Variants in C1QTNF12 observed in about 807,000 individuals in gnomAD.
C1QTNF12 encodes adipolin.
C1QTNF12 carries 39 observed loss-of-function variants against 34.3 expected under a neutral mutation model. The ratio of observed to expected loss-of-function variants is 1.14; its 90% confidence interval spans 0.88 to 1.49. The LOEUF (loss-of-function observed/expected upper bound fraction) is 1.49. Among genes scored for constraint, C1QTNF12 ranks in the 40% most tolerant of loss-of-function variants. The pLI is 0.00. For synonymous variants in C1QTNF12, 220 were observed against 196.9 expected (o/e 1.12, Z -0.98); for missense variants, 497 against 424.7 (o/e 1.17, Z -1.50).
intron 4 of C1QTNF12, 120 bp downstream of exon 4, chr1:1,243,834 A>G: frequency 5.4e-6 from 6 of 1,120,856 alleles, no homozygotes; most frequent in Admixed American, 2.4e-5. Context: ...TCGCCCTCCG[A>G]GCCCCGCCCC....
At position 1,243,484 on chromosome 1, in the gene C1QTNF12, G is replaced by C. The variant is rs537073217; in HGVS notation, c.600C>G (p.Pro200=). ...LSLASGRFTA[P]VSGIFQFSAS... is the part of the protein sequence containing the mutation. ...CAGAGAACTGGAAGATGCCGGACAC[G>C]GGGGCCGTGAACCGACCCGAGGCCA... Residue 200 remains proline, a synonymous_variant, in exon 5 of 8, where the codon CCC becomes CCG. Coordinates refer to ENST00000330388, the MANE Select transcript of C1QTNF12 (RefSeq NM_001014980.3). 11 of 1,560,148 alleles carry C rather than the reference G, an allele frequency of 7.1e-6. No homozygotes were observed. The South Asian group carries it at 1.3e-4, about 18-fold the overall frequency.
upstream of C1QTNF12, among the ~76,000 whole-genome samples, chr1:1,247,068 C>G (rs1638913237): frequency 6.6e-6 from 1 of 152,160 alleles, no homozygotes. Context: ...CCACTGACCC[C>G]GGCCGCTGCT....
chr1:1,247,044 C>G (rs763094129), upstream of C1QTNF12, among the ~76,000 whole-genome samples: 1 of 152,020 alleles, frequency 6.6e-6, no homozygotes, highest in East Asian at 1.9e-4. Flanking sequence ...GGGACGGAGA[C>G]GGGGCGGAGA....
At chr1:1,246,867 C>CA, upstream of C1QTNF12, 1 of 348,430 alleles carries the variant, frequency 2.9e-6, no homozygotes, top group Non-Finnish European at 4.8e-6. This position sits in a 1 kb window ranked among gnomAD's most constrained non-coding sequence, Gnocchi z 4.5. Context: ...TCAGGTCCCC[C>CA]CGGGGTCCCG....
intron 1 of C1QTNF12, among the ~76,000 whole-genome samples, chr1:1,245,747 C>G (rs945584958): frequency 2.0e-5 from 3 of 152,324 alleles, no homozygotes; most frequent in Non-Finnish European, 1.5e-5. Flanking sequence ...CCAGCGGGGC[C>G]GCGTGGGCTG....
chr1:1,244,600 G>A lies in C1QTNF12; in HGVS notation c.178-103C>T, dbSNP rs574839104. 35 of 928,192 alleles carry A rather than the reference G, an allele frequency of 3.8e-5. No homozygotes were observed. In the East Asian group the frequency reaches 5.1e-4, roughly 14 times the overall value. The allele number at this position is 928,192 out of a possible 1,614,324, so 57.5% of individuals were successfully genotyped here. On this transcript the variant is annotated intron_variant, in intron 1 of 7. Coordinates refer to ENST00000330388, the MANE Select transcript of C1QTNF12 (RefSeq NM_001014980.3). ...TCAGGGCAGAACCAGGGAAGGCATC[G>A]CCGGCCAGGAGAAGGACCCACGGCC...
chr1:1,244,298 G>A, intron 2 of C1QTNF12, 23 bp from the exon 3 acceptor site: 1 of 1,591,346 alleles, frequency 6.3e-7, no homozygotes, highest in Middle Eastern at 1.7e-4. Context: ...AGAAGCAGGT[G>A]AGGGGCCCAG....
intron 1 of C1QTNF12, among the ~76,000 whole-genome samples, chr1:1,245,538 G>C (rs1467748594): frequency 2.0e-5 from 3 of 151,694 alleles, no homozygotes; most frequent in Non-Finnish European, 2.9e-5. Flanking sequence ...GTCTCTGGAG[G>C]AGTGGCCCTG....
At position 1,244,042 on chromosome 1, in the gene C1QTNF12, C is replaced by A; in HGVS notation, c.443G>T (p.Arg148Leu). Residue 148 changes from arginine to leucine, a missense_variant, in exon 4 of 8, where the codon CGG becomes CTG. Coordinates refer to ENST00000330388, the MANE Select transcript of C1QTNF12 (RefSeq NM_001014980.3). ...DPLLPQGAGLRLVGEAFHCRL... is the reference protein window; with the variant it reads ...DPLLPQGAGLLLVGEAFHCRL... ...GCAGTGAAAGGCCTCGCCCACCAGCCGCAGGCCCGCCCCCTGGGGCAGCAG... is the reference window on the plus strand; with the variant it reads ...GCAGTGAAAGGCCTCGCCCACCAGCAGCAGGCCCGCCCCCTGGGGCAGCAG... The A allele has an allele frequency of 1.9e-6, 3 of 1,598,732 alleles. No individual in the cohort carries two copies. Among genetic ancestry groups the A allele is most frequent in the Non-Finnish European group, 2.6e-6 (3 of 1,173,536 alleles).
chr1:1,242,534 C>A lies in C1QTNF12; in HGVS notation c.*14G>T. 1 of 1,548,556 alleles carries A rather than the reference C, an allele frequency of 6.5e-7. No individual in the cohort carries two copies. The highest frequency in any genetic ancestry group is 8.7e-7 in the Non-Finnish European group (1 of 1,145,516). ...GATCCGGCGGCAGCTCCTCGCCAGC[C>A]CCCCTGGGCGCCCTCACGTGCCCAG... On this transcript the variant is annotated 3_prime_UTR_variant, in exon 8 of 8. Transcript: ENST00000330388.
chr1:1,244,006 C>T lies in C1QTNF12; in HGVS notation c.479G>A (p.Gly160Asp). The change falls in exon 4 of 8, where the codon GGT becomes GAT. Residue 160 changes from glycine (G) to aspartate (D), a missense_variant. Coordinates refer to ENST00000330388, the MANE Select transcript of C1QTNF12 (RefSeq NM_001014980.3). ...CGTCCGCTTGTCCACCCGGCGGGGA[C>T]CCTGCAGCCGGCAGTGAAAGGCCTC... ...VGEAFHCRLQ[G>D]PRRVDKRTLV... The T allele has an allele frequency of 6.2e-7, 1 of 1,603,804 alleles. No individual in the cohort carries two copies. Among genetic ancestry groups the T allele is most frequent in the Non-Finnish European group, 8.5e-7 (1 of 1,176,340 alleles).
chr1:1,243,255 G>A, intron 5 of C1QTNF12, 103 bp from the exon 6 acceptor site: 1 of 1,065,234 alleles, frequency 9.4e-7, no homozygotes, highest in Non-Finnish European at 1.3e-6. Context: ...AGGAGTGGCT[G>A]CTGGGGCTGG....
rs1638895515 is a variant in C1QTNF12, at chr1:1,246,533, C to T, written c.158G>A (p.Gly53Glu). ...GCGTACCTTGGGGGCCTCGGGCAGC[C>T]CCTCGCGGGAGGACGCGCTGGCGGT... ...NATASASSRE[G>E]LPEAPKPSQA... Residue 53 changes from glycine to glutamate, a missense_variant, in exon 1 of 8, where the codon GGG (glycine) becomes GAG (glutamate). By Grantham distance (98) the Gly-to-Glu change is moderately conservative (BLOSUM62 -2). Transcript: ENST00000330388. This position sits in a 1 kb window ranked among gnomAD's most constrained non-coding sequence, Gnocchi z 4.5. 1 of 1,235,238 alleles carries T rather than the reference C, an allele frequency of 8.1e-7. No individual in the cohort carries two copies. The highest frequency in any genetic ancestry group is 3.1e-4 in the Middle Eastern group (1 of 3,236). 76.5% of individuals were successfully genotyped at this position (1,235,238 alleles called of 1,614,324 possible). A position where few individuals can be genotyped will look rare whatever the true frequency, so the allele number is the denominator to read the frequency against.
At chr1:1,244,762 CCT>C in intron 1 of C1QTNF12, 1 of 395,426 alleles carries the variant, frequency 2.5e-6, no homozygotes, top group East Asian at 4.5e-5. Flanking sequence ...TCCCCCCACT[CCT>C]CATCCCACTC....
chr1:1,244,745 C>A, intron 1 of C1QTNF12: 1 of 437,212 alleles, frequency 2.3e-6, no homozygotes, highest in Non-Finnish European at 4.0e-6. Context: ...CCCACTCCTC[C>A]CCCTCCTCCC....
Position 1,246,144 on chromosome 1 carries a change from A to G in C1QTNF12, c.177+370T>C, listed in dbSNP as rs991769624. Among the ~76,000 whole-genome samples, 1 of 152,164 alleles carries G rather than the reference A, an allele frequency of 6.6e-6. No homozygotes were observed. Among genetic ancestry groups the G allele is most frequent in the Non-Finnish European group, 1.5e-5 (1 of 68,010 alleles). ...TCCCAAGGGGTCTGGTGAACCATCC[A>G]GCAAGCAGCCGGAACCACCCCACCC... On this transcript the variant is annotated intron_variant, in intron 1 of 7. Coordinates refer to ENST00000330388, the MANE Select transcript of C1QTNF12 (RefSeq NM_001014980.3). The surrounding 1 kb of genome is among the most constrained non-coding windows in gnomAD (Gnocchi z 4.5).
intron 6 of C1QTNF12, 49 bp from the exon 7 acceptor site, chr1:1,242,962 G>T (rs767386845): frequency 1.3e-6 from 2 of 1,582,740 alleles, no homozygotes; most frequent in East Asian, 2.3e-5. Flanking sequence ...GGTCCAGGGG[G>T]CCAAGACCTG....
chr1:1,243,554 T>TGTGAGGGGCAGTGG lies in C1QTNF12; in HGVS notation c.532-16_532-3dup. On this transcript the variant is annotated splice_polypyrimidine_tract_variant and splice_region_variant and intron_variant, in intron 4 of 7. Coordinates refer to ENST00000330388, the MANE Select transcript of C1QTNF12 (RefSeq NM_001014980.3). ...CAGGAAGGCACCTTGGGCAGCAGGC[T>TGTGAGGGGCAGTGG]GTGAGGGGCAGTGGGTGAGCGGCCA... 1 of 1,550,010 alleles carries TGTGAGGGGCAGTGG rather than the reference T, an allele frequency of 6.5e-7. No homozygotes were observed. Among genetic ancestry groups the TGTGAGGGGCAGTGG allele is most frequent in the Non-Finnish European group, 8.7e-7 (1 of 1,146,568 alleles).
chr1:1,244,889 C>T (rs1293070390), intron 1 of C1QTNF12, among the ~76,000 whole-genome samples: 1 of 51,038 alleles, frequency 2.0e-5, no homozygotes. Flanking sequence ...TCCCTCCTCT[C>T]CCCTCCTTTC....
Sources: gnomAD v4.1 joint callset for allele counts (sites outside exome capture counted in the v4.1 genomes callset) on GRCh38, gnomAD v4.1.1 for gene constraint, Gnocchi (gnomAD v3.1) non-coding constraint, MANE v1.5 for transcripts, NCBI Gene and HGNC (gene_info 2026-07-23, HGNC 2026-07-21) for gene names.